Variants in TDP2 observed in about 807,000 individuals in gnomAD.
The protein encoded by TDP2 is 5'-Tyr-DNA phosphodiesterase.
In TDP2, 38 loss-of-function variants were observed where a neutral mutation model predicts 42.8. The observed-to-expected ratio is 0.89, with a 90% CI of 0.68 to 1.16. TDP2 has a LOEUF of 1.16. Among genes scored for constraint, TDP2 ranks in the 50% most tolerant of loss-of-function variants. TDP2 has a pLI of 0.00. For synonymous variants in TDP2, 173 were observed against 150.6 expected (o/e 1.15, Z -1.09); for missense variants, 439 against 439.3 (o/e 1.00, Z 0.01).
intron 2 of TDP2, among the ~76,000 whole-genome samples, chr6:24,664,829 C>T (rs955661941): frequency 6.6e-6 from 1 of 152,180 alleles, no homozygotes; most frequent in Non-Finnish European, 1.5e-5. Flanking sequence ...TTCTGAGAGA[C>T]AAGAGACCAC....
intron 2 of TDP2, 192 bp downstream of exon 2, chr6:24,666,334 A>T: frequency 6.6e-7 from 1 of 1,509,170 alleles, no homozygotes; most frequent in Non-Finnish European, 8.9e-7. Flanking sequence ...AGTCTGGTGC[A>T]GTGTTAGATC....
At position 24,659,877 on chromosome 6, in the gene TDP2, C is replaced by A. The variant is rs983256532; in HGVS notation, c.252-1143G>T. 3.9e-5 allele frequency among the ~76,000 whole-genome samples: 6 copies of A among 152,172 alleles called. No individual in the cohort carries two copies. The East Asian group carries it at 9.6e-4, about 24-fold the overall frequency. ...GCTTTTGGAACACTCCCTCCAGGAA[C>A]CCTGGAACTGCCATGTAAAAAGTCC... is the stretch of plus-strand genomic sequence containing the variant. On this transcript the variant is annotated intron_variant, in intron 2 of 6. Transcript: ENST00000378198.
chr6:24,660,598 G>A (rs923593315), intron 2 of TDP2, among the ~76,000 whole-genome samples: 1 of 152,308 alleles, frequency 6.6e-6, no homozygotes. Context: ...GTATACTCTA[G>A]TATGATCAAC....
At chr6:24,651,402 G>A (rs1324916332) in intron 6 of TDP2, among the ~76,000 whole-genome samples, 2 of 152,112 alleles carry the variant, frequency 1.3e-5, no homozygotes, top group Non-Finnish European at 2.9e-5. Context: ...GTGAAAAGAA[G>A]GCAGAACTGC....
At chr6:24,657,942 A>G (rs370814588) in intron 3 of TDP2, 39 bp from the exon 4 acceptor site, 97 of 1,370,074 alleles carry the variant, frequency 7.1e-5, no homozygotes, top group Non-Finnish European at 9.3e-5. Context: ...TACCAAGTAT[A>G]CCATTTCATT....
intron 5 of TDP2, 92 bp downstream of exon 5, chr6:24,654,320 C>T: frequency 3.2e-6 from 2 of 618,004 alleles, no homozygotes; most frequent in Admixed American, 3.2e-5. Context: ...GCAAATTTTT[C>T]TCTAAAGGCA....
intron 2 of TDP2, among the ~76,000 whole-genome samples, chr6:24,664,266 T>C (rs1478311887): frequency 6.8e-6 from 1 of 146,782 alleles, no homozygotes; most frequent in African/African-American, 2.5e-5. Context: ...ACACTCTAAA[T>C]AACAAGGCTC....
chr6:24,662,536 C>T (rs17243220), intron 2 of TDP2, among the ~76,000 whole-genome samples: 7,666 of 152,104 alleles, frequency 0.05, 331 homozygotes, highest in African/African-American at 0.11. Flanking sequence ...GAGTCCTTTG[C>T]TCACGTTTTC....
At chr6:24,660,719 C>G (rs1037720363) in intron 2 of TDP2, among the ~76,000 whole-genome samples, 1 of 152,162 alleles carries the variant, frequency 6.6e-6, no homozygotes, top group African/African-American at 2.4e-5. Flanking sequence ...TACTAGTGTC[C>G]TAATCTAGGA....
At chr6:24,663,963 A>C (rs1778193176) in intron 2 of TDP2, among the ~76,000 whole-genome samples, 1 of 152,258 alleles carries the variant, frequency 6.6e-6, no homozygotes, top group Non-Finnish European at 1.5e-5. Context: ...AAAAATGAAA[A>C]GGGAAATAAA....
intron 6 of TDP2, among the ~76,000 whole-genome samples, chr6:24,652,101 C>A (rs1419097862): frequency 6.6e-6 from 1 of 152,212 alleles, no homozygotes; most frequent in Admixed American, 6.5e-5. Context: ...TTAGGAAATT[C>A]ATAAGAGGAA....
At chr6:24,654,948 A>G (rs3181233) in intron 4 of TDP2, among the ~76,000 whole-genome samples, 19,356 of 152,208 alleles carry the variant, frequency 0.13, 2,262 homozygotes, top group East Asian at 0.45. Flanking sequence ...TGAATTAGGC[A>G]AATCACTTGA....
chr6:24,666,242 GCTTA>G, intron 2 of TDP2: 1 of 1,544,586 alleles, frequency 6.5e-7, no homozygotes, highest in African/African-American at 1.4e-5. Flanking sequence ...CAAACCTCTC[GCTTA>G]CTTATTTCCT....
chr6:24,662,377 G>C (rs754224014), intron 2 of TDP2, among the ~76,000 whole-genome samples: 1 of 152,108 alleles, frequency 6.6e-6, no homozygotes, highest in Non-Finnish European at 1.5e-5. Flanking sequence ...TACTTGGATG[G>C]GAGAAAACCG....
In TDP2 at chr6:24,657,806, T is replaced by C. The variant is rs1226333797; in HGVS notation, c.517+6A>G. 1 of 1,485,850 alleles carries C rather than the reference T, an allele frequency of 6.7e-7. No individual in the cohort carries two copies. 92.0% of individuals were successfully genotyped at this position (1,485,850 alleles called of 1,614,324 possible). A position where few individuals can be genotyped will look rare whatever the true frequency, so the allele number is the denominator to read the frequency against. ...AAAAGACAAGTTGAATAACAAAAAT[T>C]GTTACCTGTAATAATCTCATAATTA... On this transcript the variant is annotated splice_donor_region_variant and intron_variant, in intron 4 of 6. Transcript: ENST00000378198.
chr6:24,653,210 A>G lies in TDP2; in HGVS notation c.637-57T>C, dbSNP rs560058757. On this transcript the variant is annotated intron_variant, in intron 5 of 6. Transcript: ENST00000378198. ...CCACTGACTATTAATACTGAACTTTAATAATAAAATCAGCAGATTGTTCTG... is the reference window on the plus strand; with the variant it reads ...CCACTGACTATTAATACTGAACTTTGATAATAAAATCAGCAGATTGTTCTG... 9 of 1,542,752 alleles carry G rather than the reference A, an allele frequency of 5.8e-6. No homozygotes were observed. In the East Asian group the frequency reaches 2.0e-4, roughly 35 times the overall value.
At chr6:24,661,719 C>G (rs767940835) in intron 2 of TDP2, among the ~76,000 whole-genome samples, 1 of 146,426 alleles carries the variant, frequency 6.8e-6, no homozygotes, top group Non-Finnish European at 1.5e-5. Context: ...CCTTCAAGAG[C>G]ATAAAAAAAA....
chr6:24,653,239 A>G, intron 5 of TDP2, 86 bp from the exon 6 acceptor site: 1 of 1,345,358 alleles, frequency 7.4e-7, no homozygotes, highest in Non-Finnish European at 1.0e-6. Flanking sequence ...TGTTCTGTCA[A>G]ATGGTATATA....
intron 6 of TDP2, among the ~76,000 whole-genome samples, chr6:24,651,595 T>C (rs77317004): frequency 1.6e-5 from 1 of 62,374 alleles, no homozygotes; most frequent in African/African-American, 5.5e-5. Context: ...ATTTTAACAA[T>C]TTTTTTTTTT....
Sources: allele counts gnomAD v4.1 joint callset (sites outside exome capture counted in the v4.1 genomes callset), GRCh38; gene constraint gnomAD v4.1.1; transcripts MANE v1.5; gene names NCBI Gene and HGNC (gene_info 2026-07-23, HGNC 2026-07-21).